The following RBFOX1 variants were observed in gnomAD, a reference collection of about 807,000 sequenced individuals.
RBFOX1 encodes the protein RNA binding protein fox-1 homolog 1.
Under a neutral mutation model 57.7 loss-of-function variants are expected in RBFOX1, and 8 were observed. That is an observed-to-expected ratio of 0.14 (90% confidence interval 0.08 to 0.25). The LOEUF is 0.25. RBFOX1 is among the 10% of genes least tolerant of loss of function. The pLI is 1.00. For synonymous variants in RBFOX1, 326 were observed against 222.4 expected (o/e 1.47, Z -4.15); for missense variants, 611 against 548.5 (o/e 1.11, Z -1.14).
intron 4 of RBFOX1, among the ~76,000 whole-genome samples, chr16:7,514,734 C>G (rs2075976993): frequency 6.6e-6 from 1 of 152,252 alleles, no homozygotes; most frequent in South Asian, 2.1e-4. Context: ...GCTCTTCTCC[C>G]TTAACTGACC....
intron 4 of RBFOX1, among the ~76,000 whole-genome samples, chr16:5,900,416 A>G (rs2058278708): frequency 6.6e-6 from 1 of 152,198 alleles, no homozygotes; most frequent in Middle Eastern, 3.2e-3. Flanking sequence ...AAAGAAAGAG[A>G]AAATTCCCCA....
At chr16:6,837,005 G>A (rs1020125676) in intron 3 of RBFOX1, among the ~76,000 whole-genome samples, 13 of 152,084 alleles carry the variant, frequency 8.5e-5, no homozygotes, top group Non-Finnish European at 1.3e-4. Flanking sequence ...AGCTTCTCAC[G>A]GATGAACACA....
At chr16:5,953,948 A>T (rs982061082) in intron 4 of RBFOX1, among the ~76,000 whole-genome samples, 15 of 152,196 alleles carry the variant, frequency 9.9e-5, no homozygotes, top group Admixed American at 8.5e-4. Context: ...TCTGTTGCCA[A>T]CCGTGGTACC....
chr16:6,873,174 G>A (rs2061251190), intron 3 of RBFOX1, among the ~76,000 whole-genome samples: 1 of 150,546 alleles, frequency 6.6e-6, no homozygotes, highest in East Asian at 1.9e-4. Flanking sequence ...CTCCTGAAGC[G>A]TGAAGAAGGA....
At chr16:7,216,468 G>C (rs756034309) in intron 4 of RBFOX1, among the ~76,000 whole-genome samples, 1 of 152,150 alleles carries the variant, frequency 6.6e-6, no homozygotes, top group Non-Finnish European at 1.5e-5. Context: ...CAGTCTGGGA[G>C]TCAGAGTGAG....
chr16:7,354,073 G>A (rs1328033249), intron 4 of RBFOX1, among the ~76,000 whole-genome samples: 1 of 152,162 alleles, frequency 6.6e-6, no homozygotes, highest in Non-Finnish European at 1.5e-5. Flanking sequence ...CCAGGTTCAA[G>A]CGATTCTCCT....
intron 1 of RBFOX1, among the ~76,000 whole-genome samples, chr16:5,251,403 G>A (rs182630239): frequency 6.5e-4 from 99 of 152,322 alleles, no homozygotes; most frequent in African/African-American, 1.8e-3. Context: ...CAGGGCTGTT[G>A]CTGATACGTG....
chr16:5,450,438 C>A (rs958961577), intron 1 of RBFOX1, among the ~76,000 whole-genome samples: 7 of 152,132 alleles, frequency 4.6e-5, no homozygotes, highest in African/African-American at 1.7e-4. Flanking sequence ...GTGGAGGGCC[C>A]CTTCTAATGG....
At chr16:6,341,873 G>A (rs1640881) in intron 2 of RBFOX1, among the ~76,000 whole-genome samples, 30,734 of 152,148 alleles carry the variant, frequency 0.2, 3,752 homozygotes, top group African/African-American at 0.34. Context: ...GCTTTCTGGT[G>A]ACACTTTTAA....
At chr16:7,029,034 GA>G (rs1213462573) in intron 3 of RBFOX1, among the ~76,000 whole-genome samples, 17 of 50,984 alleles carry the variant, frequency 3.3e-4, no homozygotes, top group East Asian at 1.6e-3. Flanking sequence ...GCATAAAACA[GA>G]AAAAAAAAAG....
intron 4 of RBFOX1, among the ~76,000 whole-genome samples, chr16:7,397,729 T>G (rs1052787547): frequency 6.6e-6 from 1 of 152,206 alleles, no homozygotes; most frequent in Non-Finnish European, 1.5e-5. Flanking sequence ...GACATGTGTA[T>G]TCACTCTTAG....
At chr16:5,920,151 G>A (rs2058790843) in intron 4 of RBFOX1, among the ~76,000 whole-genome samples, 1 of 152,030 alleles carries the variant, frequency 6.6e-6, no homozygotes, top group South Asian at 2.1e-4. Flanking sequence ...AGCCAGGATG[G>A]TCTCGATCTC....
At chr16:7,294,447 A>C (rs1172139292) in intron 4 of RBFOX1, among the ~76,000 whole-genome samples, 1 of 151,796 alleles carries the variant, frequency 6.6e-6, no homozygotes, top group East Asian at 1.9e-4. Context: ...GACATATGTC[A>C]GTTGGCTGCT....
At chr16:7,241,701 T>G (rs1009636041) in intron 4 of RBFOX1, among the ~76,000 whole-genome samples, 1 of 152,136 alleles carries the variant, frequency 6.6e-6, no homozygotes. Context: ...ATGACAAATG[T>G]GATACAAATG....
intron 3 of RBFOX1, among the ~76,000 whole-genome samples, chr16:6,740,018 T>A (rs930253878): frequency 1.3e-5 from 2 of 152,140 alleles, no homozygotes; most frequent in African/African-American, 4.8e-5. Flanking sequence ...TTAACACTAT[T>A]TAAAACATTT....
chr16:5,386,521 G>T (rs987359868), intron 1 of RBFOX1, among the ~76,000 whole-genome samples: 2 of 152,006 alleles, frequency 1.3e-5, no homozygotes, highest in Non-Finnish European at 2.9e-5. Flanking sequence ...CACCTCTCCT[G>T]CCCTCCCTAC....
At chr16:5,338,777 C>G (rs1300340774) in intron 1 of RBFOX1, among the ~76,000 whole-genome samples, 1 of 152,166 alleles carries the variant, frequency 6.6e-6, no homozygotes, top group African/African-American at 2.4e-5. Flanking sequence ...CCACTTTAGC[C>G]TCCTGAGTAG....
intron 4 of RBFOX1, among the ~76,000 whole-genome samples, chr16:7,283,063 A>G (rs1207802582): frequency 1.3e-5 from 2 of 152,170 alleles, no homozygotes; most frequent in African/African-American, 4.8e-5. Flanking sequence ...ATAAATATGC[A>G]TGTGCAGGTA....
At chr16:7,192,069 T>C (rs2085524608) in intron 4 of RBFOX1, among the ~76,000 whole-genome samples, 2 of 152,162 alleles carry the variant, frequency 1.3e-5, no homozygotes, top group South Asian at 4.1e-4. Flanking sequence ...GTCTGTAGAA[T>C]TCTACGAGCT....
Sources: allele counts gnomAD v4.1 joint callset (sites outside exome capture counted in the v4.1 genomes callset), GRCh38; gene constraint gnomAD v4.1.1; transcripts MANE v1.5; gene names NCBI Gene and HGNC (gene_info 2026-07-23, HGNC 2026-07-21).